DPP6: variants seen among roughly 807,000 people sequenced by gnomAD.
The protein encoded by DPP6 is A-type potassium channel modulatory protein DPP6.
A neutral mutation model predicts 122.6 loss-of-function variants in DPP6; 69 were observed. That is an observed-to-expected ratio of 0.56 (90% confidence interval 0.46 to 0.69). The LOEUF is 0.69. Ranked by LOEUF, DPP6 falls within the 30% of genes least tolerant of loss-of-function variation. DPP6 has a pLI of 0.00. For missense variants in DPP6, 928 were observed against 1,116.9 expected (o/e 0.83, Z 2.41); for synonymous variants, 418 against 433.1 (o/e 0.97, Z 0.43).
intron 10 of DPP6, among the ~76,000 whole-genome samples, chr7:154,789,822 G>A (rs905306685): frequency 3.9e-5 from 6 of 152,204 alleles, no homozygotes; most frequent in African/African-American, 1.4e-4. Context: ...TCCCCAGAAA[G>A]CTGCTAGAAC....
chr7:154,458,937 A>G (rs1429109579), intron 2 of DPP6, among the ~76,000 whole-genome samples: 1 of 152,034 alleles, frequency 6.6e-6, no homozygotes, highest in African/African-American at 2.4e-5. Context: ...CAAAGAAAGG[A>G]AATGAAATTC....
At chr7:154,513,748 A>G (rs1378902535) in intron 3 of DPP6, among the ~76,000 whole-genome samples, 1 of 152,124 alleles carries the variant, frequency 6.6e-6, no homozygotes, top group Non-Finnish European at 1.5e-5. Context: ...TTGTATGAGG[A>G]CAGTTTCCTT....
chr7:154,262,469 G>A (rs1006352151), intron 1 of DPP6, among the ~76,000 whole-genome samples: 1 of 152,164 alleles, frequency 6.6e-6, no homozygotes, highest in Admixed American at 6.5e-5. Context: ...CAGTGAGAAG[G>A]TGCCGTCTGC....
At chr7:154,385,951 A>G (rs916903644) in intron 1 of DPP6, among the ~76,000 whole-genome samples, 3 of 152,126 alleles carry the variant, frequency 2.0e-5, no homozygotes, top group Admixed American at 6.5e-5. Context: ...ATGGAATCAC[A>G]GTTTTTGTTG....
chr7:153,882,332 T>TA (rs140213819), upstream of DPP6, among the ~76,000 whole-genome samples: 3,771 of 152,316 alleles, frequency 0.025, 139 homozygotes, highest in African/African-American at 0.085. Flanking sequence ...AGAATAGTTT[T>TA]AGTCTCTTTT....
chr7:154,893,451 T>TAAAAAAAAAAAAAAAAAAAAAAAAAAAA lies in DPP6; in HGVS notation c.*971_*972insAAAAAAAAAAAAAAAAAAAAAAAAAAAA, dbSNP rs775016101. On this transcript the variant is annotated 3_prime_UTR_variant, in exon 26 of 26. Transcript: ENST00000377770. Reference sequence around the variant, plus strand: ...CAAGCTCTTTCCCATGACATTTGGTTTAAAAAAAAAAAAAAAAAAAAAAAA... The same window carrying TAAAAAAAAAAAAAAAAAAAAAAAAAAAA: ...CAAGCTCTTTCCCATGACATTTGGTTAAAAAAAAAAAAAAAAAAAAAAAAAAAATAAAAAAAAAAAAAAAAAAAAAAAA... 8.2e-5 allele frequency: 5 copies of TAAAAAAAAAAAAAAAAAAAAAAAAAAAA among 61,334 alleles called. No homozygotes were observed. The highest frequency in any genetic ancestry group is 2.5e-4 in the African/African-American group (5 of 19,890). The allele number at this position is 61,334 out of a possible 1,614,324, so 3.8% of individuals were successfully genotyped here.
At chr7:153,954,993 T>C (rs1158855731) in intron 1 of DPP6, among the ~76,000 whole-genome samples, 3 of 152,152 alleles carry the variant, frequency 2.0e-5, no homozygotes, top group South Asian at 4.1e-4. Context: ...AAGTGATGGT[T>C]GGTGGGTGTG....
chr7:154,060,298 C>A (rs1444033084), intron 1 of DPP6, among the ~76,000 whole-genome samples: 2 of 139,138 alleles, frequency 1.4e-5, no homozygotes, highest in Non-Finnish European at 3.2e-5. Flanking sequence ...ATCCCTCTTC[C>A]CCCCCTGGCT....
At chr7:154,305,624 G>GAGAGAC in intron 1 of DPP6, 1 of 1,530,280 alleles carries the variant, frequency 6.5e-7, no homozygotes, top group Non-Finnish European at 8.8e-7. Flanking sequence ...GTGTGCATGA[G>GAGAGAC]AGAGACAGAG....
At chr7:154,520,487 AT>A (rs1826884870) in intron 3 of DPP6, among the ~76,000 whole-genome samples, 1 of 152,242 alleles carries the variant, frequency 6.6e-6, no homozygotes, top group Non-Finnish European at 1.5e-5. Flanking sequence ...TAGAGGCCAA[AT>A]TTCCAGATTT....
chr7:154,562,049 T>A (rs973729843), intron 4 of DPP6, among the ~76,000 whole-genome samples: 1 of 152,116 alleles, frequency 6.6e-6, no homozygotes, highest in African/African-American at 2.4e-5. Flanking sequence ...ACAAACTTAT[T>A]AGACAAATAG....
At chr7:153,830,510 C>G in the DPP6 span, among the ~76,000 whole-genome samples, 1 of 152,260 alleles carries the variant, frequency 6.6e-6, no homozygotes, top group South Asian at 2.1e-4. Context: ...GCAATTTGAC[C>G]TATGAAGACA....
rs538605192 is a variant in DPP6, at chr7:154,621,769, G to A, written c.628-16052G>A. 2.0e-5 allele frequency among the ~76,000 whole-genome samples: 3 copies of A among 152,094 alleles called. No homozygotes were observed. In the East Asian group the frequency reaches 5.8e-4, roughly 29 times the overall value. ...CTCTTGGTTTCTCTTCCCTCCTCAT[G>A]CCTACCGTTTATCTGTTTCCATGAC... On this transcript the variant is annotated intron_variant, in intron 5 of 25. Coordinates refer to ENST00000377770, the MANE Select transcript of DPP6 (RefSeq NM_130797.4).
the DPP6 span, among the ~76,000 whole-genome samples, chr7:153,807,407 TCAAA>T: frequency 8.7e-3 from 1,296 of 148,666 alleles, 31 homozygotes; most frequent in African/African-American, 0.03. Flanking sequence ...AGACTCCATC[TCAAA>T]CAAACAAACA....
intron 3 of DPP6, among the ~76,000 whole-genome samples, chr7:154,527,536 GAAATA>G (rs1316897362): frequency 5.9e-5 from 9 of 152,204 alleles, no homozygotes; most frequent in Middle Eastern, 3.4e-3. Flanking sequence ...ATTATAGATA[GAAATA>G]AAATAAATAA....
chr7:153,884,290 T>C (rs1384268065), upstream of DPP6, among the ~76,000 whole-genome samples: 1 of 152,212 alleles, frequency 6.6e-6, no homozygotes, highest in Non-Finnish European at 1.5e-5. Flanking sequence ...AATAGTTTGC[T>C]GAGAATGATG....
chr7:153,948,298 C>T lies in DPP6; in HGVS notation c.51+60564C>T, dbSNP rs571896582. ...GGGATGGCAAAGGAAGAGCCGAGTG[C>T]TTTCCTGTTGTTTTATTTGGAAAAT... On this transcript the variant is annotated intron_variant, in intron 1 of 25. Transcript: ENST00000404039. Among the ~76,000 whole-genome samples the T allele has an allele frequency of 4.6e-5, 7 of 152,300 alleles. No individual in the cohort carries two copies. The East Asian group carries it at 7.7e-4, about 17-fold the overall frequency.
chr7:153,912,825 AGG>A, intron 1 of DPP6, among the ~76,000 whole-genome samples: 1 of 152,316 alleles, frequency 6.6e-6, no homozygotes, highest in South Asian at 2.1e-4. Flanking sequence ...CCCACACAGC[AGG>A]TAATCTCTTT....
chr7:153,805,008 GC>G, the DPP6 span, among the ~76,000 whole-genome samples: 3 of 152,200 alleles, frequency 2.0e-5, no homozygotes, highest in East Asian at 5.8e-4. Flanking sequence ...ATTCAGAAAA[GC>G]CAACCCTGGA....
Sources: allele counts gnomAD v4.1 joint callset (sites outside exome capture counted in the v4.1 genomes callset), GRCh38; gene constraint gnomAD v4.1.1; transcripts MANE v1.5; gene names NCBI Gene and HGNC (gene_info 2026-07-23, HGNC 2026-07-21).